The following DDX55 variants were observed in gnomAD, a reference collection of about 807,000 sequenced individuals.
DDX55 encodes ATP-dependent RNA helicase DDX55.
Under a neutral mutation model 69.2 loss-of-function variants are expected in DDX55, and 56 were observed. The observed-to-expected ratio is 0.81, with a 90% CI of 0.65 to 1.01. DDX55 has a LOEUF of 1.01. Among genes scored for constraint, DDX55 ranks in the 50% least tolerant of loss-of-function variants. The pLI is 0.00. For synonymous variants in DDX55, 268 were observed against 273.1 expected, an observed-to-expected ratio of 0.98 and a Z score of 0.18; for missense variants, 720 against 745.1, an observed-to-expected ratio of 0.97 and a Z score of 0.39.
chr12:123,617,596 G>A (rs534741174), intron 10 of DDX55, among the ~76,000 whole-genome samples, 162 bp from the exon 11 acceptor site: 3 of 152,334 alleles, frequency 2.0e-5, no homozygotes, highest in South Asian at 4.1e-4. Context: ...TGGTTTAATT[G>A]CCAGTTCTAT....
chr12:123,620,240 C>T lies in DDX55; in HGVS notation c.*100C>T. 1 of 1,185,376 alleles carries T rather than the reference C, an allele frequency of 8.4e-7. No homozygotes were observed. Among genetic ancestry groups the T allele is most frequent in the East Asian group, 2.4e-5 (1 of 40,890 alleles). The allele number at this position is 1,185,376 out of a possible 1,614,324, so 73.4% of individuals were successfully genotyped here. On this transcript the variant is annotated 3_prime_UTR_variant, in exon 14 of 14. Transcript: ENST00000238146. Reference sequence around the variant, plus strand: ...CGAAAATCACAACTTCAGGAGACATCTGAAAAGAATGATGTCTCTGAAAGC... The same window carrying T: ...CGAAAATCACAACTTCAGGAGACATTTGAAAAGAATGATGTCTCTGAAAGC...
At chr12:123,619,878 T>C in intron 13 of DDX55, 86 bp from the exon 14 acceptor site, 1 of 1,532,138 alleles carries the variant, frequency 6.5e-7, no homozygotes, top group South Asian at 1.3e-5. Flanking sequence ...ATCTGAGAGC[T>C]TATAGTTCTT....
chr12:123,605,499 C>T (rs1220475414), intron 1 of DDX55: 3 of 310,746 alleles, frequency 9.7e-6, no homozygotes, highest in South Asian at 2.9e-5. Flanking sequence ...GAGCAGCCTC[C>T]AGGCCAAGGC....
intron 1 of DDX55, 125 bp downstream of exon 1, chr12:123,602,381 T>A: frequency 2.2e-6 from 2 of 922,400 alleles, no homozygotes; most frequent in East Asian, 3.1e-5. Flanking sequence ...CTGGGGCTCT[T>A]GCCTTGTCTC....
chr12:123,620,287 A>G lies in DDX55; in HGVS notation c.*147A>G. 2.6e-6 allele frequency: 2 copies of G among 773,482 alleles called. No homozygotes were observed. The highest frequency in any genetic ancestry group is 4.0e-6 in the Non-Finnish European group (2 of 505,668). The allele number at this position is 773,482 out of a possible 1,614,324, so 47.9% of individuals were successfully genotyped here. A position where few individuals can be genotyped will look rare whatever the true frequency, so the allele number is the denominator to read the frequency against. ...AAGCTGTCCTTTCAGATGAGGGAGA[A>G]ATGAAGGATTTCACACTTCAGAATA... On this transcript the variant is annotated 3_prime_UTR_variant, in exon 14 of 14. Coordinates refer to ENST00000238146, the MANE Select transcript of DDX55 (RefSeq NM_020936.3).
In DDX55 at chr12:123,608,836, G is replaced by A. The variant is rs1268440011; in HGVS notation, c.551+7G>A. On this transcript the variant is annotated splice_region_variant and intron_variant, in intron 6 of 13. Transcript: ENST00000238146. ...ACATGGGGTTTGAGGCAAGGTACTG[G>A]ACTTTGGACTTCACTGGCTTGAGTG... 1 of 1,611,482 alleles carries A rather than the reference G, an allele frequency of 6.2e-7. No individual in the cohort carries two copies. Among genetic ancestry groups the A allele is most frequent in the Non-Finnish European group, 8.5e-7 (1 of 1,178,426 alleles).
At chr12:123,615,373 C>T in intron 9 of DDX55, 57 bp downstream of exon 9, 10 of 1,597,480 alleles carry the variant, frequency 6.3e-6, no homozygotes, top group South Asian at 3.4e-5. Context: ...TTTCAGGTCC[C>T]CAAATGCCCC....
intron 8 of DDX55, among the ~76,000 whole-genome samples, chr12:123,614,829 A>G (rs1954531426): frequency 6.6e-6 from 1 of 151,924 alleles, no homozygotes; most frequent in Non-Finnish European, 1.5e-5. Flanking sequence ...ATCTTGTAAC[A>G]CTATTTGTGG....
Position 123,602,178 on chromosome 12 carries a change from G to C in DDX55, c.30G>C (p.Glu10Asp), listed in dbSNP as rs1475084351. The stretch of plus-strand genomic sequence containing the variant: ...AGCATGTGACAGAGGGCTCCTGGGA[G>C]TCGCTGCCTGTGCCGCTGCACCCGC... MEHVTEGSW[E>D]SLPVPLHPQV... The change falls in exon 1 of 14, where the codon GAG (glutamate) becomes GAC (aspartate). Residue 10 changes from glutamate to aspartate, a missense_variant. Physicochemically the swap from Glu to Asp is conservative, Grantham distance 45. Coordinates refer to ENST00000238146, the MANE Select transcript of DDX55 (RefSeq NM_020936.3). 1.3e-5 allele frequency: 20 copies of C among 1,565,084 alleles called. No homozygotes were observed. The highest frequency in any genetic ancestry group is 1.9e-5 in the Admixed American group (1 of 53,298).
chr12:123,614,003 ATATATT>A (rs1312817642), intron 8 of DDX55, among the ~76,000 whole-genome samples: 4 of 151,446 alleles, frequency 2.6e-5, no homozygotes, highest in African/African-American at 7.3e-5. Context: ...ATATTTATTT[ATATATT>A]TATATTTATA....
At chr12:123,609,611 G>A (rs1954091569) in intron 6 of DDX55, among the ~76,000 whole-genome samples, 1 of 151,832 alleles carries the variant, frequency 6.6e-6, no homozygotes, top group Admixed American at 6.6e-5. Flanking sequence ...GGGCTCAAGA[G>A]ATCTTCCCAT....
At position 123,619,431 on chromosome 12, in the gene DDX55, G is replaced by A. The variant is rs1041899540; in HGVS notation, c.1334-1G>A. On this transcript the variant is annotated splice_acceptor_variant, in intron 12 of 13. Coordinates refer to ENST00000238146, the MANE Select transcript of DDX55 (RefSeq NM_020936.3). LOFTEE classifies it high-confidence loss of function. ...TAACTCTGATCTTCTGATTGAATCAGATCTTGATTTTGCCAGCCTTGCTCG... is the reference window on the plus strand; with the variant it reads ...TAACTCTGATCTTCTGATTGAATCAAATCTTGATTTTGCCAGCCTTGCTCG... 6.2e-7 allele frequency: 1 copy of A among 1,611,128 alleles called. No individual in the cohort carries two copies. The highest frequency in any genetic ancestry group is 8.5e-7 in the Non-Finnish European group (1 of 1,178,912).
intron 7 of DDX55, among the ~76,000 whole-genome samples, chr12:123,610,605 CTTTTTTTTTT>C (rs35576014): frequency 3.3e-5 from 3 of 90,040 alleles, no homozygotes; most frequent in Non-Finnish European, 4.4e-5. Flanking sequence ...TGCTGAGTTT[CTTTTTTTTTT>C]TTTTTTTTTT....
intron 11 of DDX55, chr12:123,618,441 C>A: frequency 7.4e-7 from 1 of 1,348,670 alleles, no homozygotes; most frequent in Non-Finnish European, 1.0e-6. Context: ...TGTTGCCATA[C>A]TTTGCTACCA....
At chr12:123,619,134 C>G (rs1399905164) in intron 12 of DDX55, among the ~76,000 whole-genome samples, 1 of 152,244 alleles carries the variant, frequency 6.6e-6, no homozygotes, top group African/African-American at 2.4e-5. Context: ...TCCCGAGTAG[C>G]TGGGACTACA....
chr12:123,607,568 G>C (rs370673271), intron 4 of DDX55, 32 bp from the exon 5 acceptor site: 5 of 1,614,048 alleles, frequency 3.1e-6, no homozygotes, highest in East Asian at 2.2e-5. Context: ...CTGTTTTGTC[G>C]AACTTAATCA....
intron 12 of DDX55, 117 bp downstream of exon 12, chr12:123,618,954 A>G (rs1192464185): frequency 1.4e-6 from 2 of 1,434,004 alleles, no homozygotes; most frequent in Non-Finnish European, 1.9e-6. Flanking sequence ...GTAGACACAG[A>G]ATAAACTGGC....
At chr12:123,609,830 T>C (rs1954104644) in intron 6 of DDX55, 109 bp from the exon 7 acceptor site, 1 of 1,334,354 alleles carries the variant, frequency 7.5e-7, no homozygotes, top group Non-Finnish European at 1.0e-6. Context: ...TATAAATATT[T>C]TGATGGCTTC....
chr12:123,616,896 G>A (rs1338518835), intron 10 of DDX55: 1 of 337,432 alleles, frequency 3.0e-6, no homozygotes, highest in Middle Eastern at 9.9e-4. Context: ...GCTCACGCCT[G>A]TAATTCCAGC....
Sources: gnomAD v4.1 joint callset for allele counts (sites outside exome capture counted in the v4.1 genomes callset) on GRCh38, gnomAD v4.1.1 for gene constraint, MANE v1.5 for transcripts, NCBI Gene and HGNC (gene_info 2026-07-23, HGNC 2026-07-21) for gene names.